The following ICE1 variants were observed in gnomAD, a reference collection of about 807,000 sequenced individuals.
ICE1 encodes little elongation complex subunit 1.
In ICE1, 64 loss-of-function variants were observed where a neutral mutation model predicts 192.7. That is an observed-to-expected ratio of 0.33 (90% confidence interval 0.27 to 0.41). ICE1 has a LOEUF of 0.41. Among genes scored for constraint, ICE1 ranks in the 10% least tolerant of loss-of-function variants. The pLI is 1.00. For missense variants in ICE1, 2,708 were observed against 2,696.0 expected (o/e 1.00, Z -0.10); for synonymous variants, 1,010 against 984.5 (o/e 1.03, Z -0.49).
chr5:5,487,001 T>C (rs1228097212), intron 18 of ICE1, among the ~76,000 whole-genome samples, 182 bp downstream of exon 18: 1 of 152,102 alleles, frequency 6.6e-6, no homozygotes, highest in Non-Finnish European at 1.5e-5. Context: ...TGTGGTGGTA[T>C]TTGATTACTT....
At position 5,474,871 on chromosome 5, in the gene ICE1, C is replaced by T. The variant is rs569700845; in HGVS notation, c.6414-1102C>T. Among the ~76,000 whole-genome samples, 4 of 152,320 alleles carry T rather than the reference C, an allele frequency of 2.6e-5. No homozygotes were observed. The South Asian group carries it at 6.2e-4, about 24-fold the overall frequency. On this transcript the variant is annotated intron_variant, in intron 16 of 18. Coordinates refer to ENST00000296564, the MANE Select transcript of ICE1 (RefSeq NM_015325.3). The stretch of plus-strand genomic sequence containing the variant: ...ATCTTGACACTAAGGGAAGATTAGA[C>T]ATCTGAATGTCAAACAGTAAGGAAT...
intron 1 of ICE1, among the ~76,000 whole-genome samples, chr5:5,423,263 T>G (rs1385110235): frequency 6.6e-6 from 1 of 151,978 alleles, no homozygotes; most frequent in African/African-American, 2.4e-5. Flanking sequence ...GTAAGCGAGG[T>G]TTGGAGGGCC....
chr5:5,466,800 AAAGT>A (rs1203947699), intron 14 of ICE1, among the ~76,000 whole-genome samples: 3 of 152,180 alleles, frequency 2.0e-5, no homozygotes, highest in African/African-American at 7.2e-5. Flanking sequence ...GGGATACTTT[AAAGT>A]AAGTGACAAG....
rs1446577330 is a variant in ICE1 at position 5,457,468 on chromosome 5, C to A, written c.828C>A (p.Asp276Glu). The change falls in exon 12 of 19, where the codon GAC becomes GAA. Residue 276 changes from aspartate to glutamate, a missense_variant. By Grantham distance (45) the Asp-to-Glu change is conservative. Transcript: ENST00000296564. ...AACTGTCCATGGAGATAAAGGAGGA[C>A]TTTTTATGTCAAAATGTGGAAAAAC... is the stretch of plus-strand genomic sequence containing the variant. The part of the protein sequence containing the change: ...LTKLSMEIKE[D>E]FLCQNVEKQS... 6.2e-6 allele frequency: 10 copies of A among 1,613,670 alleles called. No homozygotes were observed. The highest frequency in any genetic ancestry group is 8.5e-6 in the Non-Finnish European group (10 of 1,179,864).
intron 10 of ICE1, among the ~76,000 whole-genome samples, chr5:5,452,163 ATTTTTTTTTT>A (rs952502832): frequency 3.0e-5 from 4 of 133,124 alleles, no homozygotes; most frequent in East Asian, 2.1e-4. Flanking sequence ...TGTTTGTTCC[ATTTTTTTTTT>A]TTTTTTTTTT....
In ICE1 at chr5:5,436,996, G is replaced by A. The variant is rs78630977; in HGVS notation, c.144-84G>A. The A allele has an allele frequency of 1.1e-3, 873 of 819,116 alleles. 10 individuals are homozygous for A. The East Asian group carries it at 0.021, about 20-fold the overall frequency. 50.7% of individuals were successfully genotyped at this position (819,116 alleles called of 1,614,324 possible). On this transcript the variant is annotated intron_variant, in intron 2 of 18. Transcript: ENST00000296564. ...AGGAAATCTAGGAAGTCTAGAGGGT[G>A]CCTTGCATGGATTGAAACATAATTT...
At chr5:5,451,697 A>C (rs1738422171) in intron 10 of ICE1, among the ~76,000 whole-genome samples, 1 of 152,182 alleles carries the variant, frequency 6.6e-6, no homozygotes, top group African/African-American at 2.4e-5. Context: ...TTAAAGATCT[A>C]ACACCATAAT....
chr5:5,473,571 A>T lies in ICE1; in HGVS notation c.6236A>T (p.Asp2079Val). The part of the protein sequence containing the change: ...FLNWEKNAPV[D>V]VGFMVSKLLL... ...TTCATTTGCTAGAATGCCCCGGTAG[A>T]TGTTGGCTTCATGGTTTCTAAGCTG... Residue 2079 changes from aspartate to valine, a missense_variant, in exon 16 of 19, where the codon GAT becomes GTT. This residue lies in a region of ICE1 where 342 missense variants were observed against 419.3 expected (regional missense o/e 0.82). Transcript: ENST00000296564. 1 of 1,610,482 alleles carries T rather than the reference A, an allele frequency of 6.2e-7. No homozygotes were observed. The highest frequency in any genetic ancestry group is 1.1e-5 in the South Asian group (1 of 89,858).
In ICE1 at chr5:5,457,252, A is replaced by G. The variant is rs1738612853; in HGVS notation, c.692-80A>G. 8 of 1,334,840 alleles carry G rather than the reference A, an allele frequency of 6.0e-6. No individual in the cohort carries two copies. The South Asian group carries it at 1.3e-4, about 22-fold the overall frequency. 82.7% of individuals were successfully genotyped at this position (1,334,840 alleles called of 1,614,324 possible). A position where few individuals can be genotyped will look rare whatever the true frequency, so the allele number is the denominator to read the frequency against. On this transcript the variant is annotated intron_variant, in intron 11 of 18. Transcript: ENST00000296564. ...TCAAGCATTTTGAACTGTTGTAATA[A>G]GGTTTCTTTCTTTCTTTTTTTTTTT... is the stretch of plus-strand genomic sequence containing the variant.
At chr5:5,470,296 G>A (rs944729847) in intron 15 of ICE1, among the ~76,000 whole-genome samples, 8 of 152,118 alleles carry the variant, frequency 5.3e-5, no homozygotes, top group African/African-American at 1.2e-4. Context: ...AGGGTTACCC[G>A]CCTTCAGAAT....
In ICE1 at chr5:5,463,248, T is replaced by A. The variant is rs374214344; in HGVS notation, c.3914T>A (p.Phe1305Tyr). 9 of 1,612,606 alleles carry A rather than the reference T, an allele frequency of 5.6e-6. No homozygotes were observed. The African/African-American group carries it at 1.2e-4, about 22-fold the overall frequency. The change falls in exon 13 of 19, where the codon TTT becomes TAT. Residue 1305 changes from phenylalanine to tyrosine, a missense_variant. This residue lies in a region of ICE1 where 2,366 missense variants were observed against 2,276.6 expected (regional missense o/e 1.04). Coordinates refer to ENST00000296564, the MANE Select transcript of ICE1 (RefSeq NM_015325.3). ...TTENLKEKSP[F>Y]RETTGSSSHA... is the part of the protein sequence containing the mutation. ...GAGAATTTAAAAGAGAAAAGTCCAT[T>A]TCGGGAAACGACTGGCTCCTCATCA...
intron 11 of ICE1, among the ~76,000 whole-genome samples, chr5:5,456,394 A>G (rs1184712461): frequency 1.3e-5 from 2 of 152,182 alleles, no homozygotes; most frequent in African/African-American, 4.8e-5. Flanking sequence ...TATTTGTCTC[A>G]TTCCATCTGC....
At chr5:5,477,088 C>A (rs1739336868) in intron 17 of ICE1, among the ~76,000 whole-genome samples, 1 of 151,380 alleles carries the variant, frequency 6.6e-6, no homozygotes, top group Non-Finnish European at 1.5e-5. Context: ...TTTCCTCTGT[C>A]TTGTCTTCAA....
chr5:5,463,165 C>T lies in ICE1; in HGVS notation c.3831C>T (p.Cys1277=), dbSNP rs925645722. The change falls in exon 13 of 19, where the codon TGC becomes TGT. Residue 1277 remains cysteine (C), a synonymous_variant. Transcript: ENST00000296564. ...RQELQTNSED[C]NGKDTGSLLL... ...AACTTCAAACAAATTCTGAAGATTGCAATGGTAAAGATACTGGCAGTTTAT... is the reference window on the plus strand; with the variant it reads ...AACTTCAAACAAATTCTGAAGATTGTAATGGTAAAGATACTGGCAGTTTAT... 2 of 1,611,878 alleles carry T rather than the reference C, an allele frequency of 1.2e-6. No individual in the cohort carries two copies. The highest frequency in any genetic ancestry group is 1.7e-6 in the Non-Finnish European group (2 of 1,179,066).
intron 17 of ICE1, among the ~76,000 whole-genome samples, chr5:5,482,387 G>C (rs1378312940): frequency 6.6e-6 from 1 of 152,178 alleles, no homozygotes; most frequent in Admixed American, 6.5e-5. Context: ...GTACTAAAAT[G>C]CTTATAAACA....
At chr5:5,450,202 A>G (rs1303951910) in intron 10 of ICE1, among the ~76,000 whole-genome samples, 1 of 152,220 alleles carries the variant, frequency 6.6e-6, no homozygotes, top group Non-Finnish European at 1.5e-5. Context: ...TCCTTTAGAG[A>G]AAGTCTAAGA....
At chr5:5,452,088 A>G (rs954931491) in intron 10 of ICE1, among the ~76,000 whole-genome samples, 2 of 152,038 alleles carry the variant, frequency 1.3e-5, no homozygotes, top group South Asian at 2.1e-4. Flanking sequence ...AAAAATTTTA[A>G]CTTGAGAAAG....
In ICE1 at chr5:5,462,268, G is replaced by C; in HGVS notation, c.2934G>C (p.Gln978His). 1 of 1,613,208 alleles carries C rather than the reference G, an allele frequency of 6.2e-7. No homozygotes were observed. The highest frequency in any genetic ancestry group is 8.5e-7 in the Non-Finnish European group (1 of 1,179,468). Reference protein sequence around the residue: ...NQDIVREAAVQGDGQKQRQPQ... With the variant: ...NQDIVREAAVHGDGQKQRQPQ... ...ACATTGTGAGAGAAGCTGCAGTGCA[G>C]GGAGATGGGCAGAAGCAAAGGCAGC... The change falls in exon 13 of 19, where the codon CAG becomes CAC. Residue 978 changes from glutamine to histidine, a missense_variant. Physicochemically the swap from Gln to His is conservative, Grantham distance 24. Transcript: ENST00000296564.
intron 5 of ICE1, among the ~76,000 whole-genome samples, chr5:5,442,813 C>T (rs1738087145): frequency 6.6e-6 from 1 of 152,140 alleles, no homozygotes; most frequent in South Asian, 2.1e-4. Context: ...TAAATTTTCC[C>T]TAGCAATACC....
Sources: allele counts gnomAD v4.1 joint callset (sites outside exome capture counted in the v4.1 genomes callset), GRCh38; gene constraint gnomAD v4.1.1; regional missense constraint gnomAD v4.1.1; transcripts MANE v1.5; gene names NCBI Gene and HGNC (gene_info 2026-07-23, HGNC 2026-07-21).